PDE3B: variants seen among roughly 807,000 people sequenced by gnomAD.
The protein encoded by PDE3B is cGMP-inhibited 3',5'-cyclic phosphodiesterase 3B.
A neutral mutation model predicts 116.8 loss-of-function variants in PDE3B; 66 were observed. The observed-to-expected ratio is 0.56, with a 90% confidence interval of 0.46 to 0.69. The LOEUF is 0.69. Ranked by LOEUF, PDE3B falls within the 30% of genes least tolerant of loss-of-function variation. PDE3B has a pLI of 0.00. For synonymous variants in PDE3B, 595 were observed against 533.6 expected (o/e 1.12, Z -1.59); for missense variants, 1,384 against 1,368.1 (o/e 1.01, Z -0.18).
In PDE3B at chr11:14,677,807, TG is replaced by T. The variant is rs527506809; in HGVS notation, c.978+32756del. On this transcript the variant is annotated intron_variant, in intron 1 of 15. Transcript: ENST00000282096. The stretch of plus-strand genomic sequence containing the variant: ...CACACAGCATGTAACCTTTTGAGAC[TG>T]GCTACTTTTATTTAGCATAATGCCT... 9.2e-5 allele frequency among the ~76,000 whole-genome samples: 14 copies of T among 152,386 alleles called. No homozygotes were observed. In the South Asian group the frequency reaches 2.7e-3, roughly 29 times the overall value.
At chr11:14,828,524 GAAGACATA>G (rs1335887962) in intron 7 of PDE3B, among the ~76,000 whole-genome samples, 2 of 152,148 alleles carry the variant, frequency 1.3e-5, no homozygotes, top group African/African-American at 4.8e-5. Flanking sequence ...ATTTGCAAAA[GAAGACATA>G]CATATGGGCA....
chr11:14,687,466 G>A lies in PDE3B; in HGVS notation c.978+42413G>A, dbSNP rs188056903. Reference sequence around the variant, plus strand: ...GCCAGTGGGAAATATGAAGCAAACTGCTAATGCAACTGGGGAGACAATAGA... The same window carrying A: ...GCCAGTGGGAAATATGAAGCAAACTACTAATGCAACTGGGGAGACAATAGA... On this transcript the variant is annotated intron_variant, in intron 1 of 15. Coordinates refer to ENST00000282096, the MANE Select transcript of PDE3B (RefSeq NM_000922.4). Among the ~76,000 whole-genome samples the A allele has an allele frequency of 8.3e-4, 126 of 152,242 alleles. 1 individual carries two copies. Among genetic ancestry groups the A allele is most frequent in the Non-Finnish European group, 3.5e-4 (24 of 68,004 alleles).
chr11:14,803,647 G>A (rs1414123306), intron 4 of PDE3B, among the ~76,000 whole-genome samples: 4 of 152,086 alleles, frequency 2.6e-5, no homozygotes, highest in African/African-American at 9.7e-5. Flanking sequence ...CTGTTTTTTT[G>A]TAAGTAAAAT....
chr11:14,748,403 C>A (rs986477282), intron 1 of PDE3B, among the ~76,000 whole-genome samples: 1 of 152,132 alleles, frequency 6.6e-6, no homozygotes, highest in African/African-American at 2.4e-5. Context: ...TCTCAGAAAC[C>A]TGAAGTCTTT....
chr11:14,773,731 T>G (rs564036892), intron 2 of PDE3B: 1 of 152,296 alleles, frequency 6.6e-6, no homozygotes, highest in South Asian at 2.1e-4. Context: ...AATTCCTTTT[T>G]TTGTTGTTGT....
At chr11:14,862,123 G>A (rs1388203835) in intron 14 of PDE3B, among the ~76,000 whole-genome samples, 1 of 152,186 alleles carries the variant, frequency 6.6e-6, no homozygotes, top group Non-Finnish European at 1.5e-5. Flanking sequence ...TTACCAGGAA[G>A]CTGCTGATCA....
rs570391698 is a variant in PDE3B, at chr11:14,845,945, T to A, written c.2520+1919T>A. Among the ~76,000 whole-genome samples, 396 of 152,136 alleles carry A rather than the reference T, an allele frequency of 2.6e-3. 1 individual carries two copies. Among genetic ancestry groups the A allele is most frequent in the African/African-American group, 9.0e-3 (374 of 41,498 alleles). ...ATATTATCCAGGAGAACTTCCCCAA[T>A]CTAGCAAGGCAGGCCAACATTCAGA... is the stretch of plus-strand genomic sequence containing the variant. On this transcript the variant is annotated intron_variant, in intron 12 of 15. Transcript: ENST00000282096.
rs571989245 is a variant in PDE3B, at chr11:14,731,968, G to A, written c.979-39969G>A. 4.6e-5 allele frequency among the ~76,000 whole-genome samples: 7 copies of A among 152,280 alleles called. No individual in the cohort carries two copies. The South Asian group carries it at 1.5e-3, about 32-fold the overall frequency. ...AAATTAAGCAAGGAAGGGTAAAGGG[G>A]AATTCTAGGGGTTAGGAAAGGGGAG... On this transcript the variant is annotated intron_variant, in intron 1 of 15. Transcript: ENST00000282096.
At chr11:14,762,134 C>T (rs1378865570) in intron 1 of PDE3B, among the ~76,000 whole-genome samples, 1 of 151,756 alleles carries the variant, frequency 6.6e-6, no homozygotes, top group African/African-American at 2.4e-5. Context: ...TGGTGAGACC[C>T]TGTCTCTACG....
intron 1 of PDE3B, among the ~76,000 whole-genome samples, chr11:14,708,975 T>C: frequency 6.6e-6 from 1 of 152,150 alleles, no homozygotes; most frequent in East Asian, 1.9e-4. Flanking sequence ...TGTTTAAAAA[T>C]AATTTCAAAA....
At chr11:14,817,437 A>T (rs191781021) in intron 5 of PDE3B, among the ~76,000 whole-genome samples, 16 of 152,290 alleles carry the variant, frequency 1.1e-4, no homozygotes, top group Admixed American at 4.6e-4. Context: ...AAGTATAATT[A>T]AAAAAGAAAA....
At chr11:14,883,432 G>T in the PDE3B span, among the ~76,000 whole-genome samples, 1 of 152,308 alleles carries the variant, frequency 6.6e-6, no homozygotes, top group African/African-American at 2.4e-5. Flanking sequence ...AAGCAATGGG[G>T]AAAAGATTCC....
chr11:14,677,771 A>G (rs1022034241), intron 1 of PDE3B, among the ~76,000 whole-genome samples: 1 of 152,154 alleles, frequency 6.6e-6, no homozygotes, highest in African/African-American at 2.4e-5. Flanking sequence ...TCTTGATGTC[A>G]TAAGTGAAAT....
At chr11:14,729,190 T>C (rs1768885566) in intron 1 of PDE3B, among the ~76,000 whole-genome samples, 2 of 152,242 alleles carry the variant, frequency 1.3e-5, no homozygotes, top group Non-Finnish European at 2.9e-5. Context: ...TTGACTGATG[T>C]GAACACAGAA....
At chr11:14,730,819 C>T (rs566127746) in intron 1 of PDE3B, among the ~76,000 whole-genome samples, 1 of 152,214 alleles carries the variant, frequency 6.6e-6, no homozygotes, top group South Asian at 2.1e-4. Flanking sequence ...ACTTTAGAGC[C>T]AGATTTGGGA....
Position 14,813,913 on chromosome 11 carries a change from A to G in PDE3B, c.1523-4270A>G, listed in dbSNP as rs1262461596. ...AGTAATATATTAAAATGATAATACC[A>G]TAATGTTCATGTTGGGAAGTATTAT... On this transcript the variant is annotated intron_variant, in intron 5 of 15. Transcript: ENST00000282096. 7.9e-5 allele frequency among the ~76,000 whole-genome samples: 12 copies of G among 152,324 alleles called. No homozygotes were observed. The East Asian group carries it at 1.2e-3, about 15-fold the overall frequency.
At chr11:14,707,806 A>G (rs1283170797) in intron 1 of PDE3B, among the ~76,000 whole-genome samples, 1 of 152,190 alleles carries the variant, frequency 6.6e-6, no homozygotes, top group Admixed American at 6.6e-5. Flanking sequence ...CAAATAATTT[A>G]GCTAGAGTTC....
intron 1 of PDE3B, among the ~76,000 whole-genome samples, chr11:14,702,709 C>T (rs1590073134): frequency 6.6e-6 from 1 of 151,906 alleles, no homozygotes; most frequent in Admixed American, 6.6e-5. Context: ...ACCAGCCACA[C>T]TTTAAGTGCA....
chr11:14,771,155 C>T (rs1212276294), intron 1 of PDE3B, among the ~76,000 whole-genome samples: 3 of 151,548 alleles, frequency 2.0e-5, no homozygotes, highest in East Asian at 1.9e-4. Flanking sequence ...AGGTTCAAAG[C>T]TATGTACAAA....
Sources: gnomAD v4.1 joint callset for allele counts (sites outside exome capture counted in the v4.1 genomes callset) on GRCh38, gnomAD v4.1.1 for gene constraint, MANE v1.5 for transcripts, NCBI Gene and HGNC (gene_info 2026-07-23, HGNC 2026-07-21) for gene names.